The following UBXN2A variants were observed in gnomAD, a reference collection of about 807,000 sequenced individuals.
UBXN2A encodes UBX domain-containing protein 2A.
Under a neutral mutation model 28.4 loss-of-function variants are expected in UBXN2A, and 28 were observed. The observed-to-expected ratio is 0.99, with a 90% confidence interval of 0.73 to 1.35. The LOEUF (loss-of-function observed/expected upper bound fraction) is 1.35. Ranked by LOEUF, UBXN2A falls within the 40% of genes most tolerant of loss-of-function variation. The pLI, the probability that UBXN2A is intolerant of heterozygous loss-of-function variation, is 0.00. For synonymous variants in UBXN2A, 97 were observed against 103.6 expected, an observed-to-expected ratio of 0.94 and a Z score of 0.39; for missense variants, 253 against 297.9, an observed-to-expected ratio of 0.85 and a Z score of 1.11.
intron 1 of UBXN2A, among the ~76,000 whole-genome samples, chr2:23,930,033 C>T (rs953911500): frequency 2.6e-5 from 4 of 152,052 alleles, no homozygotes; most frequent in Admixed American, 6.6e-5. Context: ...GGGCTACAGG[C>T]GTGTGCCACC....
chr2:23,964,975 G>T (rs1212099496), intron 2 of UBXN2A, among the ~76,000 whole-genome samples: 3 of 152,092 alleles, frequency 2.0e-5, no homozygotes, highest in Non-Finnish European at 4.4e-5. Flanking sequence ...AAACCCTCAT[G>T]CCTACAAAAT....
intron 6 of UBXN2A, among the ~76,000 whole-genome samples, chr2:23,989,710 C>G (rs969932122): frequency 6.6e-6 from 1 of 152,008 alleles, no homozygotes; most frequent in African/African-American, 2.4e-5. Flanking sequence ...CAAAACCAGT[C>G]TGGGCAACAT....
At chr2:23,946,039 C>T (rs147920918) in intron 1 of UBXN2A, among the ~76,000 whole-genome samples, 1,645 of 152,204 alleles carry the variant, frequency 0.011, 17 homozygotes, top group Middle Eastern at 0.037. Context: ...GCCAGGTTGG[C>T]CAGCCTGGTC....
chr2:23,958,108 T>A (rs1372035449), intron 1 of UBXN2A, among the ~76,000 whole-genome samples, 193 bp from the exon 2 acceptor site: 1 of 152,236 alleles, frequency 6.6e-6, no homozygotes, highest in East Asian at 1.9e-4. Context: ...TTAAGAAGTC[T>A]TTCTTTTGTC....
chr2:23,960,512 T>G (rs1706853811), intron 2 of UBXN2A, among the ~76,000 whole-genome samples: 1 of 152,196 alleles, frequency 6.6e-6, no homozygotes, highest in African/African-American at 2.4e-5. Flanking sequence ...TTTAGTACAT[T>G]CACAGATTTT....
intron 1 of UBXN2A, among the ~76,000 whole-genome samples, chr2:23,932,886 C>T (rs573442284): frequency 6.6e-6 from 1 of 152,240 alleles, no homozygotes; most frequent in South Asian, 2.1e-4. Context: ...AGGTGGATCA[C>T]AAGATCAGGA....
At chr2:23,957,984 T>C (rs370694491) in intron 1 of UBXN2A, among the ~76,000 whole-genome samples, 1 of 152,234 alleles carries the variant, frequency 6.6e-6, no homozygotes, top group African/African-American at 2.4e-5. Flanking sequence ...ATTCCTTGGC[T>C]TCAGCAATCC....
intron 3 of UBXN2A, among the ~76,000 whole-genome samples, chr2:23,976,572 C>T (rs1344865644): frequency 6.6e-6 from 1 of 152,104 alleles, no homozygotes; most frequent in East Asian, 1.9e-4. Flanking sequence ...AGTGGAAACT[C>T]CTGATAAACC....
intron 2 of UBXN2A, among the ~76,000 whole-genome samples, chr2:23,962,154 CT>C (rs1422216691): frequency 1.3e-5 from 2 of 152,058 alleles, no homozygotes; most frequent in Non-Finnish European, 1.5e-5. Context: ...CCAAAAACTG[CT>C]TTTCTAAGTG....
chr2:23,928,492 G>A (rs371704663), intron 1 of UBXN2A, among the ~76,000 whole-genome samples: 1 of 151,184 alleles, frequency 6.6e-6, no homozygotes, highest in African/African-American at 2.4e-5. Context: ...CAGGAGAATC[G>A]CTTGAACCCG....
At chr2:23,997,322 G>A (rs926778535) in intron 6 of UBXN2A, among the ~76,000 whole-genome samples, 2 of 152,004 alleles carry the variant, frequency 1.3e-5, no homozygotes, top group African/African-American at 4.8e-5. Context: ...TACTTTCATT[G>A]GATTTATTTT....
At chr2:23,944,352 A>C in intron 1 of UBXN2A, 1 of 1,556,472 alleles carries the variant, frequency 6.4e-7, no homozygotes, top group Non-Finnish European at 8.8e-7. Context: ...AGCTGTGTGA[A>C]GAACTGAGGT....
rs370554941 is a variant in UBXN2A at position 23,982,641 on chromosome 2, A to G, written c.288-255A>G. Among the ~76,000 whole-genome samples the G allele has an allele frequency of 2.0e-5, 3 of 152,294 alleles. No homozygotes were observed. In the East Asian group the frequency reaches 5.8e-4, roughly 29 times the overall value. The stretch of plus-strand genomic sequence containing the variant: ...TGTCTCTACAGAAAATTTAAAAAAT[A>G]TATGCTTTCACAATAAAAAATAATA... On this transcript the variant is annotated intron_variant, in intron 4 of 6. Transcript: ENST00000309033.
At chr2:23,991,367 T>C (rs988506988) in intron 6 of UBXN2A, among the ~76,000 whole-genome samples, 11 of 151,764 alleles carry the variant, frequency 7.2e-5, no homozygotes, top group Admixed American at 7.2e-4. Flanking sequence ...AAAAGACAGA[T>C]TAACAAAAGA....
intron 4 of UBXN2A, among the ~76,000 whole-genome samples, chr2:23,980,093 G>GA (rs937908757): frequency 6.0e-5 from 9 of 150,976 alleles, no homozygotes; most frequent in Admixed American, 2.6e-4. Context: ...ATTGCTGAAA[G>GA]AAAAAAAAAT....
At chr2:23,941,131 CT>C (rs200070699) in intron 1 of UBXN2A, among the ~76,000 whole-genome samples, 46 of 148,704 alleles carry the variant, frequency 3.1e-4, no homozygotes, top group South Asian at 1.7e-3. Context: ...TTCTTTGTGC[CT>C]TTTTTTTTTC....
intron 1 of UBXN2A, among the ~76,000 whole-genome samples, chr2:23,947,772 A>G (rs1275896104): frequency 2.0e-5 from 3 of 152,230 alleles, no homozygotes; most frequent in African/African-American, 4.8e-5. Context: ...TCATACTGAT[A>G]CTGACACTTT....
intron 6 of UBXN2A, among the ~76,000 whole-genome samples, chr2:23,989,786 TCA>T (rs1050744748): frequency 2.6e-5 from 4 of 151,972 alleles, no homozygotes; most frequent in Admixed American, 2.6e-4. Flanking sequence ...ACCTGTGGTC[TCA>T]GATACTCGGG....
intron 2 of UBXN2A, among the ~76,000 whole-genome samples, chr2:23,959,736 A>C (rs1368038671): frequency 6.6e-6 from 1 of 152,172 alleles, no homozygotes; most frequent in Non-Finnish European, 1.5e-5. Flanking sequence ...GGATGTACTT[A>C]ATTCCCCCAG....
Sources: gnomAD v4.1 joint callset for allele counts (sites outside exome capture counted in the v4.1 genomes callset) on GRCh38, gnomAD v4.1.1 for gene constraint, MANE v1.5 for transcripts, NCBI Gene and HGNC (gene_info 2026-07-23, HGNC 2026-07-21) for gene names.